The following MAF variants were observed in gnomAD, a reference collection of about 807,000 sequenced individuals.
MAF encodes MAF bZIP transcription factor, also known as transcription factor Maf.
MAF carries 10 observed loss-of-function variants against 22.0 expected under a neutral mutation model. The ratio of observed to expected loss-of-function variants is 0.45; its 90% CI spans 0.28 to 0.77. MAF has a LOEUF of 0.77. Among genes scored for constraint, MAF ranks in the 30% least tolerant of loss-of-function variants. MAF has a pLI of 0.12. For missense variants in MAF, 544 were observed against 548.4 expected, an observed-to-expected ratio of 0.99 and a Z score of 0.08; for synonymous variants, 337 against 255.8, an observed-to-expected ratio of 1.32 and a Z score of -3.03.
chr16:79,372,864 T>C, the MAF span, among the ~76,000 whole-genome samples: 181 of 152,278 alleles, frequency 1.2e-3, no homozygotes, highest in African/African-American at 4.2e-3. Flanking sequence ...ACTCACCTAT[T>C]TCTCACCCAC....
At chr16:79,303,105 G>A in the MAF span, among the ~76,000 whole-genome samples, 11 of 152,198 alleles carry the variant, frequency 7.2e-5, no homozygotes, top group African/African-American at 2.7e-4. Context: ...GTGTGTGAAT[G>A]TGTGTGTGTT....
At chr16:79,480,258 C>T in the MAF span, among the ~76,000 whole-genome samples, 75,379 of 151,888 alleles carry the variant, frequency 0.5, 19,185 homozygotes, top group Middle Eastern at 0.6. Flanking sequence ...ATTAGTAACA[C>T]GTTGTCGGTT....
downstream of MAF, among the ~76,000 whole-genome samples, chr16:79,583,945 G>A (rs1312054624): frequency 1.3e-5 from 2 of 152,176 alleles, no homozygotes; most frequent in African/African-American, 4.8e-5. Context: ...CATGCATGTT[G>A]GTTGATGTGC....
At chr16:79,295,430 C>A in the MAF span, among the ~76,000 whole-genome samples, 1 of 152,130 alleles carries the variant, frequency 6.6e-6, no homozygotes, top group Non-Finnish European at 1.5e-5. Context: ...ACAGAGAAAG[C>A]CAGATTGGTT....
At chr16:79,205,659 A>C in the MAF span, 1 of 152,340 alleles carries the variant, frequency 6.6e-6, no homozygotes, top group African/African-American at 2.4e-5. Context: ...TGAGTTAGCA[A>C]AACTCCCAAA....
At chr16:79,405,858 C>G in the MAF span, among the ~76,000 whole-genome samples, 7 of 152,088 alleles carry the variant, frequency 4.6e-5, no homozygotes, top group Non-Finnish European at 1.0e-4. Context: ...CAGATGCCAC[C>G]CGTCAACCAT....
At chr16:79,384,360 G>C in the MAF span, among the ~76,000 whole-genome samples, 3 of 150,334 alleles carry the variant, frequency 2.0e-5, no homozygotes, top group Admixed American at 1.3e-4. Flanking sequence ...CAGGAGAATC[G>C]CCTGAACCTG....
At chr16:79,509,691 G>A in the MAF span, among the ~76,000 whole-genome samples, 1 of 152,212 alleles carries the variant, frequency 6.6e-6, no homozygotes, top group Admixed American at 6.5e-5. Context: ...GGGGGCCCAG[G>A]GCCTGGCATG....
At chr16:79,527,231 A>C in the MAF span, among the ~76,000 whole-genome samples, 1 of 152,142 alleles carries the variant, frequency 6.6e-6, no homozygotes, top group Non-Finnish European at 1.5e-5. Context: ...TTGACCACAA[A>C]ATATCAGTGC....
the MAF span, among the ~76,000 whole-genome samples, chr16:79,289,160 G>C: frequency 6.6e-6 from 1 of 152,194 alleles, no homozygotes; most frequent in Non-Finnish European, 1.5e-5. Flanking sequence ...CGATTCTCAA[G>C]ATTGTGGAGA....
chr16:79,529,653 C>T, the MAF span, among the ~76,000 whole-genome samples: 3 of 152,106 alleles, frequency 2.0e-5, no homozygotes, highest in Admixed American at 6.6e-5. Flanking sequence ...AGTATGGATA[C>T]AAAGCATGCA....
the MAF span, among the ~76,000 whole-genome samples, chr16:79,270,596 G>C: frequency 1.3e-5 from 2 of 152,306 alleles, no homozygotes; most frequent in African/African-American, 2.4e-5. Flanking sequence ...GGGCTGGCTT[G>C]TTTCCAGTGA....
the MAF span, among the ~76,000 whole-genome samples, chr16:79,535,761 C>A: frequency 6.6e-6 from 1 of 151,760 alleles, no homozygotes; most frequent in Non-Finnish European, 1.5e-5. Context: ...CCATGCCCAG[C>A]TAAGAGAAAG....
chr16:79,568,801 G>A, the MAF span, among the ~76,000 whole-genome samples: 1 of 152,188 alleles, frequency 6.6e-6, no homozygotes, highest in Non-Finnish European at 1.5e-5. Context: ...ATCAAGGCCT[G>A]TGTAAACATC....
chr16:79,571,024 G>T, the MAF span, among the ~76,000 whole-genome samples: 1 of 151,948 alleles, frequency 6.6e-6, no homozygotes, highest in African/African-American at 2.4e-5. Context: ...GAGGGAAAGT[G>T]ACTTTCCCAA....
the MAF span, among the ~76,000 whole-genome samples, chr16:79,322,318 G>A: frequency 2.6e-5 from 4 of 152,092 alleles, no homozygotes; most frequent in Non-Finnish European, 5.9e-5. Flanking sequence ...GGCACTCAGG[G>A]GGTCACCAAC....
rs1397045014 is a variant in MAF, at chr16:79,597,621, G to A, written c.1118+1164C>T. 11 of 1,022,152 alleles carry A rather than the reference G, an allele frequency of 1.1e-5. No homozygotes were observed. In the East Asian group the frequency reaches 5.8e-4, roughly 54 times the overall value. 63.3% of individuals were successfully genotyped at this position (1,022,152 alleles called of 1,614,324 possible). On this transcript the variant is annotated intron_variant, in intron 1 of 1. Transcript: ENST00000326043. ...AACTCAAAGCAGTTTTGGAGCAGAT[G>A]CAAAATTTCATGGGAAGAAGGCTCT...
the MAF span, among the ~76,000 whole-genome samples, chr16:79,415,773 G>A: frequency 4.6e-5 from 7 of 151,882 alleles, no homozygotes; most frequent in African/African-American, 1.7e-4. Flanking sequence ...TTTCTATTGG[G>A]TGCCTTTGGG....
At chr16:79,438,292 C>T in the MAF span, among the ~76,000 whole-genome samples, 1 of 152,196 alleles carries the variant, frequency 6.6e-6, no homozygotes, top group Admixed American at 6.5e-5. Context: ...TCAGCAGTGT[C>T]AGCCCTGGGA....
Sources: gnomAD v4.1 joint callset for allele counts (sites outside exome capture counted in the v4.1 genomes callset) on GRCh38, gnomAD v4.1.1 for gene constraint, MANE v1.5 for transcripts, NCBI Gene and HGNC (gene_info 2026-07-23, HGNC 2026-07-21) for gene names.